Variants in PASK observed in about 807,000 individuals in gnomAD.
PASK encodes PAS domain-containing serine/threonine-protein kinase.
In PASK, 110 loss-of-function variants were observed where a neutral mutation model predicts 121.0. The ratio of observed to expected loss-of-function variants is 0.91; its 90% CI spans 0.78 to 1.06. PASK has a LOEUF of 1.06. Ranked by LOEUF, PASK falls within the 50% of genes least tolerant of loss-of-function variation. The pLI, the probability that PASK is intolerant of heterozygous loss-of-function variation, is 0.00. For synonymous variants in PASK, 686 were observed against 717.8 expected (o/e 0.96, Z 0.71); for missense variants, 1,643 against 1,702.3 (o/e 0.97, Z 0.61).
rs758861242 is a variant in PASK, at chr2:241,108,247, A to G, written c.3587T>C (p.Leu1196Pro). 3 of 1,613,814 alleles carry G rather than the reference A, an allele frequency of 1.9e-6. No homozygotes were observed. The South Asian group carries it at 3.3e-5, about 18-fold the overall frequency. The change falls in exon 16 of 18, where the codon CTG becomes CCG. Residue 1196 changes from leucine to proline, a missense_variant. By Grantham distance (98) the Leu-to-Pro change is moderately conservative. Around this residue, in one of 3 missense-constraint regions of PASK, gnomAD observed 453 missense variants for 511.2 expected, o/e 0.89. Transcript: ENST00000234040. This position sits in a 1 kb window ranked among gnomAD's most constrained non-coding sequence, Gnocchi z 5.2. ...MWSLGVTLYT[L>P]VFEENPFCEL... ...ACAGAAGGGGTTCTCCTCAAAGACCAGCGTGTACAGAGTGACTCCCAGAGA... is the reference window on the plus strand; with the variant it reads ...ACAGAAGGGGTTCTCCTCAAAGACCGGCGTGTACAGAGTGACTCCCAGAGA...
chr2:241,130,775 G>A (rs1298468883), intron 9 of PASK, among the ~76,000 whole-genome samples: 1 of 151,620 alleles, frequency 6.6e-6, no homozygotes, highest in Non-Finnish European at 1.5e-5. Flanking sequence ...CGGCCAGTGG[G>A]AAAGTGGCCC....
intron 2 of PASK, among the ~76,000 whole-genome samples, chr2:241,142,173 A>C (rs1459277421): frequency 1.3e-5 from 2 of 151,146 alleles, no homozygotes; most frequent in Non-Finnish European, 3.0e-5. Context: ...ACACCCTCCT[A>C]CTCCAGTGTC....
intron 10 of PASK, 42 bp downstream of exon 10, chr2:241,126,154 T>A: frequency 6.3e-7 from 1 of 1,586,772 alleles, no homozygotes; most frequent in South Asian, 1.1e-5. Flanking sequence ...TGCACTGTGC[T>A]CTGGGAGCAC....
At chr2:241,136,955 A>G (rs1413073535) in intron 7 of PASK, 49 bp downstream of exon 7, 2 of 1,581,676 alleles carry the variant, frequency 1.3e-6, no homozygotes, top group Admixed American at 1.7e-5. Context: ...TGCAGAGCAC[A>G]GCAGCTTCCT....
At chr2:241,138,601 GAAC>G in intron 5 of PASK, 50 bp downstream of exon 5, 1 of 1,603,350 alleles carries the variant, frequency 6.2e-7, no homozygotes, top group Non-Finnish European at 8.5e-7. Flanking sequence ...CTGAAGAGGA[GAAC>G]GACGCCGGCT....
chr2:241,110,224 T>G (rs567796676), intron 15 of PASK, among the ~76,000 whole-genome samples: 1 of 152,324 alleles, frequency 6.6e-6, no homozygotes, highest in African/African-American at 2.4e-5. Flanking sequence ...GCTGTACGAT[T>G]CCACGTATAG....
At chr2:241,140,383 C>CAAGTTTG in intron 3 of PASK, 138 bp downstream of exon 3, 2 of 741,222 alleles carry the variant, frequency 2.7e-6, no homozygotes, top group Non-Finnish European at 4.8e-6. Flanking sequence ...GTCTTGAACT[C>CAAGTTTG]CTGGGCTCAA....
chr2:241,127,285 C>G lies in PASK; in HGVS notation c.1630G>C (p.Ala544Pro). 1 of 1,614,258 alleles carries G rather than the reference C, an allele frequency of 6.2e-7. No homozygotes were observed. The highest frequency in any genetic ancestry group is 2.2e-5 in the East Asian group (1 of 44,880). ...RSEPVDVKPF[A>P]SCEDSEAPVP... ...GGAGCTTCAGAATCTTCGCAGGAAGCAAATGGCTTCACATCCACTGGTTCA... is the reference window on the plus strand; with the variant it reads ...GGAGCTTCAGAATCTTCGCAGGAAGGAAATGGCTTCACATCCACTGGTTCA... The change falls in exon 10 of 18, where the codon GCT becomes CCT. Residue 544 changes from alanine to proline, a missense_variant. Physicochemically the swap from Ala to Pro is conservative, Grantham distance 27. Coordinates refer to ENST00000234040, the MANE Select transcript of PASK (RefSeq NM_015148.4).
intron 1 of PASK, among the ~76,000 whole-genome samples, chr2:241,149,049 G>A (rs1346891622): frequency 6.6e-6 from 1 of 152,132 alleles, no homozygotes; most frequent in African/African-American, 2.4e-5. Context: ...ATCCGGGCTG[G>A]TTCTCCTGGA....
chr2:241,117,216 C>T (rs1198072177), intron 12 of PASK, among the ~76,000 whole-genome samples: 1 of 152,146 alleles, frequency 6.6e-6, no homozygotes, highest in Non-Finnish European at 1.5e-5. Context: ...ACTTGGGTGC[C>T]AGCCTGTGAG....
At chr2:241,143,461 G>A (rs1250808809) in intron 1 of PASK, among the ~76,000 whole-genome samples, 2 of 151,768 alleles carry the variant, frequency 1.3e-5, no homozygotes, top group East Asian at 3.9e-4. Context: ...TGAGGCAGAA[G>A]AATGGTGTGA....
rs73112118 is a variant in PASK at position 241,106,790 on chromosome 2, C to T, written c.3815-67G>A. The stretch of plus-strand genomic sequence containing the variant: ...TAAGGTTCTAAAATACTTTGCTTCT[C>T]ACTTGAAGAAGTCCTAGAACAAAAG... On this transcript the variant is annotated intron_variant, in intron 17 of 17. Transcript: ENST00000234040. The T allele has an allele frequency of 5.3e-3, 7,983 of 1,508,588 alleles. 258 individuals are homozygous for T. The African/African-American group carries it at 0.084, about 16-fold the overall frequency. The allele number at this position is 1,508,588 out of a possible 1,614,324, so 93.5% of individuals were successfully genotyped here.
chr2:241,122,998 G>T, intron 11 of PASK, 99 bp from the exon 12 acceptor site: 1 of 1,189,336 alleles, frequency 8.4e-7, no homozygotes. Context: ...AGCCGCCCGA[G>T]GCAGGTGTGC....
rs369088897 is a variant in PASK, at chr2:241,149,411, C to G, written c.-43+3G>C. ...CCCGCTCTCCCGAGCGCAGGTATCT[C>G]ACCTGGATCAGGCGAGGGTCACGCC... On this transcript the variant is annotated splice_donor_region_variant and intron_variant, in intron 1 of 17. Coordinates refer to ENST00000234040, the MANE Select transcript of PASK (RefSeq NM_015148.4). 4.2e-5 allele frequency: 21 copies of G among 505,062 alleles called. No individual in the cohort carries two copies. In the African/African-American group the frequency reaches 4.2e-4, roughly 10 times the overall value. The allele number at this position is 505,062 out of a possible 1,614,324, so 31.3% of individuals were successfully genotyped here.
chr2:241,125,554 C>A (rs1054354368), intron 10 of PASK, among the ~76,000 whole-genome samples: 1 of 146,666 alleles, frequency 6.8e-6, no homozygotes, highest in Non-Finnish European at 1.5e-5. Context: ...AAGCTGAGAT[C>A]GCGCTACTGC....
rs2240552 is a variant in PASK at position 241,137,884 on chromosome 2, G to A, written c.876+69C>T. On this transcript the variant is annotated intron_variant, in intron 6 of 17. Coordinates refer to ENST00000234040, the MANE Select transcript of PASK (RefSeq NM_015148.4). Reference sequence around the variant, plus strand: ...TTGCCTTCAGAAACCCTTGGTCTGCGTCTCCAGTTATGGATTCAGAGCTAA... The same window carrying A: ...TTGCCTTCAGAAACCCTTGGTCTGCATCTCCAGTTATGGATTCAGAGCTAA... 34,601 of 1,561,226 alleles carry A rather than the reference G, an allele frequency of 0.022. 3,081 individuals are homozygous for A. In the East Asian group the frequency reaches 0.24, roughly 11 times the overall value.
chr2:241,113,043 T>C (rs1181479445), intron 14 of PASK, among the ~76,000 whole-genome samples: 2 of 152,330 alleles, frequency 1.3e-5, no homozygotes, highest in African/African-American at 2.4e-5. Flanking sequence ...GCAGTTACAC[T>C]GGAAACGGGC....
Position 241,115,271 on chromosome 2 carries a change from G to A in PASK, c.3198+17C>T. 6.2e-7 allele frequency: 1 copy of A among 1,613,978 alleles called. No homozygotes were observed. Among genetic ancestry groups the A allele is most frequent in the Non-Finnish European group, 8.5e-7 (1 of 1,179,904 alleles). On this transcript the variant is annotated intron_variant, in intron 13 of 17. Transcript: ENST00000234040. The stretch of plus-strand genomic sequence containing the variant: ...ACATGAGCCAAGTTAGGGTATCTCT[G>A]AAGAGGAAACCATCACCTTGATGAT...
chr2:241,139,319 C>T (rs957360497), intron 4 of PASK, among the ~76,000 whole-genome samples: 2 of 152,198 alleles, frequency 1.3e-5, no homozygotes, highest in South Asian at 2.1e-4. Flanking sequence ...CCCCAGTCCC[C>T]GACCGGCTGA....
Sources: gnomAD v4.1 joint callset for allele counts (sites outside exome capture counted in the v4.1 genomes callset) on GRCh38, gnomAD v4.1.1 for gene constraint, gnomAD v4.1.1 regional missense constraint, Gnocchi (gnomAD v3.1) non-coding constraint, MANE v1.5 for transcripts, NCBI Gene and HGNC (gene_info 2026-07-23, HGNC 2026-07-21) for gene names.